The following ATF1 variants were observed in gnomAD, a reference collection of about 807,000 sequenced individuals.
The protein encoded by ATF1 is activating transcription factor 1.
Under a neutral mutation model 34.7 loss-of-function variants are expected in ATF1, and 16 were observed. That is an observed-to-expected ratio of 0.46 (90% CI 0.31 to 0.70). The LOEUF (loss-of-function observed/expected upper bound fraction) is 0.70, where lower values mean the gene tolerates loss of function less well. ATF1 is among the 30% of genes least tolerant of loss of function. ATF1 has a pLI of 0.05. For synonymous variants in ATF1, 105 were observed against 113.1 expected, an observed-to-expected ratio of 0.93 and a Z score of 0.46; for missense variants, 255 against 321.6, an observed-to-expected ratio of 0.79 and a Z score of 1.58.
intron 1 of ATF1, among the ~76,000 whole-genome samples, chr12:50,773,531 C>T (rs1940834142): frequency 1.5e-5 from 2 of 135,558 alleles, no homozygotes; most frequent in South Asian, 5.0e-4. Context: ...CTCACTACAA[C>T]CTCCGCCTCC....
intron 2 of ATF1, among the ~76,000 whole-genome samples, chr12:50,782,574 T>TTTTTAGAA (rs1941091151): frequency 6.7e-6 from 1 of 148,378 alleles, no homozygotes; most frequent in African/African-American, 2.5e-5. Flanking sequence ...TTTTTTTTTT[T>TTTTTAGAA]AGTAGAGACA....
chr12:50,798,309 GGTT>G (rs1403736738), intron 3 of ATF1, among the ~76,000 whole-genome samples: 10 of 151,710 alleles, frequency 6.6e-5, no homozygotes, highest in South Asian at 6.3e-4. Flanking sequence ...GTAGTTTCAT[GGTT>G]GTTGTTTTTT....
intron 6 of ATF1, among the ~76,000 whole-genome samples, chr12:50,817,638 T>C (rs1941870356): frequency 6.6e-6 from 1 of 152,188 alleles, no homozygotes; most frequent in Non-Finnish European, 1.5e-5. Flanking sequence ...CCCCAACATT[T>C]CTACTTGTAT....
At chr12:50,786,058 C>T (rs1941179816) in intron 2 of ATF1, among the ~76,000 whole-genome samples, 1 of 152,082 alleles carries the variant, frequency 6.6e-6, no homozygotes, top group African/African-American at 2.4e-5. Flanking sequence ...ATGGGGGCCA[C>T]CCTAAAATCT....
intron 2 of ATF1, among the ~76,000 whole-genome samples, chr12:50,785,081 C>T (rs1941154734): frequency 7.0e-6 from 1 of 143,714 alleles, no homozygotes; most frequent in African/African-American, 2.6e-5. Flanking sequence ...AATAAAGGAA[C>T]GAGCCAAGAT....
At chr12:50,777,726 A>C (rs1940958740) in intron 1 of ATF1, among the ~76,000 whole-genome samples, 1 of 151,226 alleles carries the variant, frequency 6.6e-6, no homozygotes, top group Non-Finnish European at 1.5e-5. Context: ...GGCTGCAGTG[A>C]GCCGAGGTTG....
At chr12:50,780,829 G>A (rs957456137) in intron 2 of ATF1, among the ~76,000 whole-genome samples, 3 of 151,900 alleles carry the variant, frequency 2.0e-5, no homozygotes, top group East Asian at 1.9e-4. Flanking sequence ...GTGCAGTGGC[G>A]GTTGCCTGTA....
chr12:50,792,666 T>C (rs1280212175), intron 2 of ATF1, among the ~76,000 whole-genome samples: 1 of 152,092 alleles, frequency 6.6e-6, no homozygotes, highest in African/African-American at 2.4e-5. Context: ...ATCAGGCAAA[T>C]AGAAAAGTTT....
rs543574390 is a variant in ATF1, at chr12:50,802,179, A to G, written c.194+6170A>G. ...ACAAAGTATAAAAGGTTTAAAATTAAATTTATAAATTTAAATTATACTTAG... is the reference window on the plus strand; with the variant it reads ...ACAAAGTATAAAAGGTTTAAAATTAGATTTATAAATTTAAATTATACTTAG... On this transcript the variant is annotated intron_variant, in intron 3 of 6. Coordinates refer to ENST00000262053, the MANE Select transcript of ATF1 (RefSeq NM_005171.5). Among the ~76,000 whole-genome samples the G allele has an allele frequency of 3.0e-4, 46 of 152,358 alleles. No individual in the cohort carries two copies. In the East Asian group the frequency reaches 6.9e-3, roughly 23 times the overall value.
chr12:50,815,048 GGAGCCGAAGCTTGCAGTAAGCT>G (rs1941815220), intron 6 of ATF1, among the ~76,000 whole-genome samples: 1 of 151,984 alleles, frequency 6.6e-6, no homozygotes, highest in Admixed American at 6.6e-5. Context: ...CATGAATCTG[GGAGCCGAAGCTTGCAGTAAGCT>G]GAGATTGCGC....
chr12:50,780,155 T>C lies in ATF1; in HGVS notation c.10T>C (p.Ser4Pro), dbSNP rs748485107. Residue 4 changes from serine to proline, a missense_variant, in exon 2 of 7, where the codon TCC (serine) becomes CCC (proline). By Grantham distance (74) the Ser-to-Pro change is moderately conservative. Transcript: ENST00000262053. The part of the protein sequence containing the change: MED[S>P]HKSTTSETAP... ...CCCCTTATAGTTGATTATGGAAGAT[T>C]CCCACAAGAGTACCACGTCAGAGAC... 6.2e-7 allele frequency: 1 copy of C among 1,612,010 alleles called. No individual in the cohort carries two copies. The highest frequency in any genetic ancestry group is 8.5e-7 in the Non-Finnish European group (1 of 1,178,454).
chr12:50,803,423 GA>G (rs999006553), intron 3 of ATF1, among the ~76,000 whole-genome samples: 1 of 146,998 alleles, frequency 6.8e-6, no homozygotes, highest in Non-Finnish European at 1.5e-5. Flanking sequence ...GACTAAAATA[GA>G]AAAAAAAGAC....
chr12:50,765,994 T>C (rs938728581), intron 1 of ATF1, among the ~76,000 whole-genome samples: 4 of 152,204 alleles, frequency 2.6e-5, no homozygotes, highest in African/African-American at 9.6e-5. Context: ...ATGTTACTTT[T>C]ACATCGCACT....
At chr12:50,800,628 C>T (rs992136911) in intron 3 of ATF1, among the ~76,000 whole-genome samples, 15 of 152,020 alleles carry the variant, frequency 9.9e-5, no homozygotes, top group Admixed American at 5.9e-4. Flanking sequence ...GAATGTGAAC[C>T]GTGTTGTGAC....
chr12:50,764,420 G>T (rs1209985083), intron 1 of ATF1, 113 bp downstream of exon 1: 2 of 151,462 alleles, frequency 1.3e-5, no homozygotes, highest in South Asian at 2.1e-4. Context: ...GGTCGCGCGC[G>T]GTGGTGGCGG....
intron 4 of ATF1, among the ~76,000 whole-genome samples, chr12:50,810,785 G>A (rs745773993): frequency 1.3e-5 from 2 of 151,888 alleles, no homozygotes; most frequent in Admixed American, 6.6e-5. Flanking sequence ...AACCACCACC[G>A]CCTTGGTTTA....
chr12:50,765,384 C>A (rs1422707583), intron 1 of ATF1, among the ~76,000 whole-genome samples: 1 of 152,166 alleles, frequency 6.6e-6, no homozygotes, highest in East Asian at 1.9e-4. Context: ...CTCTTTAATA[C>A]TTGCCGTTAT....
intron 6 of ATF1, among the ~76,000 whole-genome samples, chr12:50,816,882 AAC>A (rs1004637453): frequency 2.6e-5 from 4 of 152,208 alleles, no homozygotes; most frequent in African/African-American, 4.8e-5. Context: ...AACAAAAAAA[AAC>A]ACACAAGTAG....
chr12:50,789,369 A>C (rs976254440), intron 2 of ATF1, among the ~76,000 whole-genome samples: 1 of 151,928 alleles, frequency 6.6e-6, no homozygotes, highest in Non-Finnish European at 1.5e-5. Context: ...TGGCCTGTTT[A>C]CTATTTATTT....
Sources: gnomAD v4.1 joint callset for allele counts (sites outside exome capture counted in the v4.1 genomes callset) on GRCh38, gnomAD v4.1.1 for gene constraint, MANE v1.5 for transcripts, NCBI Gene and HGNC (gene_info 2026-07-23, HGNC 2026-07-21) for gene names.